SPAG16: variants seen among roughly 807,000 people sequenced by gnomAD.
SPAG16 encodes the protein sperm associated antigen 16.
Under a neutral mutation model 80.4 loss-of-function variants are expected in SPAG16, and 86 were observed. The ratio of observed to expected loss-of-function variants is 1.07; its 90% CI spans 0.90 to 1.28. The LOEUF is 1.28. SPAG16 is among the 50% of genes most tolerant of loss of function. The probability of loss-of-function intolerance (pLI) is 0.00; values close to 1 mark genes in which losing one functional copy is unlikely to be tolerated. For missense variants in SPAG16, 870 were observed against 765.3 expected (o/e 1.14, Z -1.61); for synonymous variants, 294 against 265.9 (o/e 1.11, Z -1.03).
intron 15 of SPAG16, among the ~76,000 whole-genome samples, chr2:214,278,017 G>A (rs906192313): frequency 1.1e-4 from 17 of 152,290 alleles, no homozygotes; most frequent in African/African-American, 3.6e-4. Flanking sequence ...CAGCAATGGC[G>A]GATGCCCCTC....
chr2:213,714,108 G>C (rs1372958009), intron 10 of SPAG16, among the ~76,000 whole-genome samples: 1 of 152,158 alleles, frequency 6.6e-6, no homozygotes, highest in Non-Finnish European at 1.5e-5. Context: ...TGGATCCCTG[G>C]TAAATCCTGC....
At chr2:213,461,908 GTGTGTA>G (rs561110474) in intron 9 of SPAG16, among the ~76,000 whole-genome samples, 1 of 152,168 alleles carries the variant, frequency 6.6e-6, no homozygotes, top group Non-Finnish European at 1.5e-5. Flanking sequence ...GTGTATGTGT[GTGTGTA>G]TGTGTATGTG....
At chr2:213,917,683 A>G (rs1203782408) in intron 11 of SPAG16, among the ~76,000 whole-genome samples, 2 of 152,182 alleles carry the variant, frequency 1.3e-5, no homozygotes, top group African/African-American at 2.4e-5. Context: ...GGCCAAGATT[A>G]TGGGGTTTTC....
intron 10 of SPAG16, among the ~76,000 whole-genome samples, chr2:213,654,471 T>C (rs1326190717): frequency 4.4e-5 from 6 of 135,182 alleles, no homozygotes; most frequent in Non-Finnish European, 4.6e-5. Context: ...CCAGGGCGGG[T>C]GGATCACAAG....
chr2:214,072,939 G>A (rs561192142), intron 13 of SPAG16, among the ~76,000 whole-genome samples: 1 of 152,052 alleles, frequency 6.6e-6, no homozygotes, highest in Non-Finnish European at 1.5e-5. Flanking sequence ...GCATATGTGT[G>A]AATATGAACA....
chr2:214,174,769 A>C (rs899397748), intron 15 of SPAG16, among the ~76,000 whole-genome samples: 6 of 151,736 alleles, frequency 4.0e-5, no homozygotes, highest in Admixed American at 3.3e-4. Context: ...CACTCTGGGC[A>C]TAAACATCTA....
intron 15 of SPAG16, among the ~76,000 whole-genome samples, chr2:214,242,482 C>T (rs1335956977): frequency 6.6e-6 from 1 of 152,058 alleles, no homozygotes; most frequent in Non-Finnish European, 1.5e-5. Flanking sequence ...AGACTTACAC[C>T]AAATTATTTT....
intron 8 of SPAG16, among the ~76,000 whole-genome samples, chr2:213,369,562 C>A (rs900687190): frequency 2.7e-5 from 4 of 148,318 alleles, no homozygotes; most frequent in Non-Finnish European, 6.0e-5. Flanking sequence ...TTTAAGTATA[C>A]CTGTGTTTAC....
chr2:214,236,943 C>T (rs1184619771), intron 15 of SPAG16, among the ~76,000 whole-genome samples: 20 of 152,152 alleles, frequency 1.3e-4, no homozygotes, highest in Admixed American at 1.3e-3. Context: ...TGGCATTACT[C>T]ATTTTATTTA....
intron 15 of SPAG16, among the ~76,000 whole-genome samples, chr2:214,347,246 A>G (rs1161561506): frequency 6.6e-6 from 1 of 152,154 alleles, no homozygotes; most frequent in African/African-American, 2.4e-5. Context: ...GGTCTAGCTA[A>G]GGAGACATCT....
At chr2:214,171,155 C>T (rs1208819881) in intron 15 of SPAG16, among the ~76,000 whole-genome samples, 1 of 152,056 alleles carries the variant, frequency 6.6e-6, no homozygotes, top group Non-Finnish European at 1.5e-5. Flanking sequence ...AAGATCATAA[C>T]AACTTTCAGG....
At chr2:213,992,061 T>C (rs2046313099) in intron 12 of SPAG16, among the ~76,000 whole-genome samples, 1 of 152,100 alleles carries the variant, frequency 6.6e-6, no homozygotes, top group South Asian at 2.1e-4. Flanking sequence ...AGCCTGTTAA[T>C]ATATTTTACA....
At chr2:213,863,616 A>G (rs1250172023) in intron 11 of SPAG16, among the ~76,000 whole-genome samples, 3 of 152,052 alleles carry the variant, frequency 2.0e-5, no homozygotes, top group Non-Finnish European at 4.4e-5. Context: ...TCCAGTATAT[A>G]AATTAAACAG....
At chr2:213,587,564 A>T (rs762154805) in intron 10 of SPAG16, among the ~76,000 whole-genome samples, 4 of 152,134 alleles carry the variant, frequency 2.6e-5, no homozygotes, top group Non-Finnish European at 4.4e-5. Context: ...CATTGTCCTG[A>T]TGAATAGCAC....
intron 13 of SPAG16, among the ~76,000 whole-genome samples, chr2:214,014,454 T>C (rs555807208): frequency 3.7e-4 from 57 of 152,298 alleles, no homozygotes; most frequent in African/African-American, 1.3e-3. Context: ...GTTAATAAAA[T>C]GGAAGACTAT....
At chr2:213,701,203 G>A (rs555240414) in intron 10 of SPAG16, among the ~76,000 whole-genome samples, 1 of 152,068 alleles carries the variant, frequency 6.6e-6, no homozygotes, top group South Asian at 2.1e-4. Flanking sequence ...TTGTGCTACA[G>A]CACTCCAACC....
chr2:213,500,771 T>C (rs1688208474), intron 10 of SPAG16, among the ~76,000 whole-genome samples: 1 of 152,198 alleles, frequency 6.6e-6, no homozygotes, highest in Admixed American at 6.5e-5. Context: ...ATAAACTAGT[T>C]TGCATTTACC....
intron 10 of SPAG16, among the ~76,000 whole-genome samples, chr2:213,616,010 G>A (rs1044574676): frequency 5.3e-5 from 8 of 152,122 alleles, no homozygotes; most frequent in Non-Finnish European, 1.2e-4. Context: ...GTATACCTAC[G>A]TAACAAACCT....
chr2:214,410,409 A>G lies in SPAG16; in HGVS notation c.*94A>G. On this transcript the variant is annotated 3_prime_UTR_variant, in exon 16 of 16. Transcript: ENST00000331683. ...CAGCAAAGAACTGGTTAAATGTGCC[A>G]GCAGGTAACATTTACAGTCTGCTTT... 1 of 1,192,704 alleles carries G rather than the reference A, an allele frequency of 8.4e-7. No individual in the cohort carries two copies. The highest frequency in any genetic ancestry group is 1.2e-6 in the Non-Finnish European group (1 of 848,486). 73.9% of individuals were successfully genotyped at this position (1,192,704 alleles called of 1,614,324 possible).
Sources: gnomAD v4.1 joint callset for allele counts (sites outside exome capture counted in the v4.1 genomes callset) on GRCh38, gnomAD v4.1.1 for gene constraint, MANE v1.5 for transcripts, NCBI Gene and HGNC (gene_info 2026-07-23, HGNC 2026-07-21) for gene names.